The following RESF1 variants were observed in gnomAD, a reference collection of about 807,000 sequenced individuals.
The protein encoded by RESF1 is retroelement silencing factor 1.
Under a neutral mutation model 134.7 loss-of-function variants are expected in RESF1, and 65 were observed. The observed-to-expected ratio is 0.48, with a 90% confidence interval of 0.40 to 0.59. The LOEUF is 0.59. Ranked by LOEUF, RESF1 falls within the 20% of genes least tolerant of loss-of-function variation. The probability of loss-of-function intolerance (pLI) is 0.00; values close to 1 mark genes in which losing one functional copy is unlikely to be tolerated. For missense variants in RESF1, 2,274 were observed against 2,002.7 expected (o/e 1.14, Z -2.59); for synonymous variants, 762 against 702.2 (o/e 1.09, Z -1.35).
chr12:31,984,858 G>C lies in RESF1; in HGVS notation c.3903G>C (p.Glu1301Asp), dbSNP rs1939923819. ...AAAGAAAAAAATTGAGGTTTCACGA[G>C]GTAACCTTTCACTCCAGTAATAAAA... Reference protein sequence around the residue: ...NHKRKKLRFHEVTFHSSNKMT... With the variant: ...NHKRKKLRFHDVTFHSSNKMT... The change falls in exon 4 of 6, where the codon GAG (glutamate) becomes GAC (aspartate). Residue 1301 changes from glutamate (E) to aspartate (D), a missense_variant. Transcript: ENST00000312561. 6.2e-7 allele frequency: 1 copy of C among 1,604,682 alleles called. No individual in the cohort carries two copies. Among genetic ancestry groups the C allele is most frequent in the African/African-American group, 1.3e-5 (1 of 74,114 alleles).
chr12:31,968,639 G>A (rs1404032407), intron 2 of RESF1, among the ~76,000 whole-genome samples: 1 of 151,766 alleles, frequency 6.6e-6, no homozygotes, highest in African/African-American at 2.4e-5. Context: ...TAGTAGAGAC[G>A]GGGTTTCACC....
chr12:31,960,398 T>C (rs549257209), intron 1 of RESF1, among the ~76,000 whole-genome samples: 98 of 152,296 alleles, frequency 6.4e-4, no homozygotes, highest in African/African-American at 2.2e-3. Context: ...GCTAAATGTG[T>C]TAGCTTTAAT....
At chr12:31,978,305 A>G (rs180932719) in intron 3 of RESF1, among the ~76,000 whole-genome samples, 2 of 152,200 alleles carry the variant, frequency 1.3e-5, no homozygotes, top group African/African-American at 4.8e-5. Flanking sequence ...AGTAAAACAA[A>G]AAGATCTCTA....
At chr12:31,964,579 C>T (rs1939356568) in intron 2 of RESF1, among the ~76,000 whole-genome samples, 1 of 152,158 alleles carries the variant, frequency 6.6e-6, no homozygotes, top group South Asian at 2.1e-4. Flanking sequence ...TGTGAATAGA[C>T]ATGCACAATT....
chr12:31,959,579 G>C (rs1010777500), intron 1 of RESF1, 88 bp downstream of exon 1: 3 of 152,314 alleles, frequency 2.0e-5, no homozygotes, highest in African/African-American at 7.2e-5. Context: ...AGAGGCACTC[G>C]CGGTCCGGGC....
In RESF1 at chr12:31,981,644, C is replaced by T. The variant is rs147896922; in HGVS notation, c.689C>T (p.Thr230Ile). ...CCACAAAGCTTTTTACCAGATTCTACCATTCAAAAACAAAACTTTATACCA... is the reference window on the plus strand; with the variant it reads ...CCACAAAGCTTTTTACCAGATTCTATCATTCAAAAACAAAACTTTATACCA... ...YSPQSFLPDS[T>I]IQKQNFIPHT... The change falls in exon 4 of 6, where the codon ACC (threonine) becomes ATC (isoleucine). Residue 230 changes from threonine to isoleucine, a missense_variant. Coordinates refer to ENST00000312561, the MANE Select transcript of RESF1 (RefSeq NM_018169.4). 5 of 1,613,870 alleles carry T rather than the reference C, an allele frequency of 3.1e-6. No individual in the cohort carries two copies. The Admixed American group carries it at 5.0e-5, about 16-fold the overall frequency.
chr12:31,974,918 G>A (rs1939596258), intron 3 of RESF1, among the ~76,000 whole-genome samples: 1 of 145,152 alleles, frequency 6.9e-6, no homozygotes, highest in African/African-American at 2.6e-5. Flanking sequence ...TCAGCATGTG[G>A]TGGCTGCCTT....
At chr12:31,968,694 C>T (rs891660470) in intron 2 of RESF1, among the ~76,000 whole-genome samples, 3 of 151,980 alleles carry the variant, frequency 2.0e-5, no homozygotes, top group African/African-American at 7.3e-5. Context: ...GTGATCCGCC[C>T]GCCTCTGCCT....
chr12:31,962,673 G>A (rs1215522071), intron 2 of RESF1: 1 of 152,146 alleles, frequency 6.6e-6, no homozygotes, highest in East Asian at 1.9e-4. Flanking sequence ...TTGTAAATAA[G>A]GTGATTAAAA....
At chr12:31,991,244 C>T (rs1197682598) in intron 5 of RESF1, among the ~76,000 whole-genome samples, 1 of 150,266 alleles carries the variant, frequency 6.7e-6, no homozygotes, top group East Asian at 1.9e-4. Flanking sequence ...AATTCAGTAG[C>T]AAAGGTTGCA....
chr12:31,980,311 A>C (rs1394494541), intron 3 of RESF1, among the ~76,000 whole-genome samples: 2 of 151,836 alleles, frequency 1.3e-5, no homozygotes, highest in African/African-American at 4.8e-5. Flanking sequence ...GGGGTTTGGC[A>C]TGTTAGCCAG....
chr12:31,976,990 G>T (rs1478611964), intron 3 of RESF1, among the ~76,000 whole-genome samples: 1 of 152,136 alleles, frequency 6.6e-6, no homozygotes. Flanking sequence ...TATATAGGCT[G>T]GATATGATCT....
Position 31,975,220 on chromosome 12 carries a change from G to A in RESF1, c.-79+4864G>A, listed in dbSNP as rs529883731. ...ACCCGGGAGGTGGAGGTTGCAGATC[G>A]TGCCACTGCACTCCAGCCTGGGCGA... On this transcript the variant is annotated intron_variant, in intron 3 of 5. Transcript: ENST00000312561. Among the ~76,000 whole-genome samples, 5 of 152,106 alleles carry A rather than the reference G, an allele frequency of 3.3e-5. No individual in the cohort carries two copies. In the South Asian group the frequency reaches 1.0e-3, roughly 32 times the overall value.
chr12:31,968,442 G>A (rs970273918), intron 2 of RESF1, among the ~76,000 whole-genome samples: 4 of 144,598 alleles, frequency 2.8e-5, no homozygotes, highest in Non-Finnish European at 6.0e-5. Flanking sequence ...GTTTACATTA[G>A]GACTTCTCTT....
At chr12:31,986,733 C>CT (rs2120893488) in intron 4 of RESF1, among the ~76,000 whole-genome samples, 1 of 152,258 alleles carries the variant, frequency 6.6e-6, no homozygotes, top group African/African-American at 2.4e-5. Flanking sequence ...GATTGGAAAA[C>CT]TAAAGGATTT....
rs1258426027 is a variant in RESF1 at position 31,985,165 on chromosome 12, A to G, written c.4210A>G (p.Thr1404Ala). Reference sequence around the variant, plus strand: ...AGAACAGAAAGGAAGTGTGGGAGCTACATTCAAATTAGGTGACTCTTTGTC... The same window carrying G: ...AGAACAGAAAGGAAGTGTGGGAGCTGCATTCAAATTAGGTGACTCTTTGTC... ...KQEQKGSVGA[T>A]FKLGDSLSNP... The change falls in exon 4 of 6, where the codon ACA (threonine) becomes GCA (alanine). Residue 1404 changes from threonine (T) to alanine (A), a missense_variant. Coordinates refer to ENST00000312561, the MANE Select transcript of RESF1 (RefSeq NM_018169.4). 1 of 1,558,480 alleles carries G rather than the reference A, an allele frequency of 6.4e-7. No individual in the cohort carries two copies. Among genetic ancestry groups the G allele is most frequent in the Non-Finnish European group, 8.6e-7 (1 of 1,160,578 alleles).
chr12:31,981,783 A>ACCT lies in RESF1; in HGVS notation c.841_843dup (p.Pro281dup), dbSNP rs550353898. The ACCT allele has an allele frequency of 2.0e-5, 33 of 1,613,630 alleles. No homozygotes were observed. The highest frequency in any genetic ancestry group is 1.6e-4 in the South Asian group (15 of 91,070). On this transcript the variant is annotated inframe_insertion, in exon 4 of 6. Coordinates refer to ENST00000312561, the MANE Select transcript of RESF1 (RefSeq NM_018169.4). ...AGTATGCCACGCAAACTGACAAAAG[A>ACCT]CCTCCTCCTCCTCCTTACAACTGTA...
chr12:31,991,777 G>A (rs1940096778), intron 5 of RESF1, among the ~76,000 whole-genome samples: 2 of 152,146 alleles, frequency 1.3e-5, no homozygotes, highest in East Asian at 1.9e-4. Flanking sequence ...TCTTGAACTG[G>A]CTTCATGTGA....
intron 2 of RESF1, among the ~76,000 whole-genome samples, chr12:31,963,472 T>C (rs963369745): frequency 6.6e-6 from 1 of 152,188 alleles, no homozygotes; most frequent in Non-Finnish European, 1.5e-5. Context: ...GCTTTGGTTT[T>C]CAGGCAGACC....
Sources: allele counts gnomAD v4.1 joint callset (sites outside exome capture counted in the v4.1 genomes callset), GRCh38; gene constraint gnomAD v4.1.1; transcripts MANE v1.5; gene names NCBI Gene and HGNC (gene_info 2026-07-23, HGNC 2026-07-21).